Variants in WIPI2 observed in about 807,000 individuals in gnomAD.
WIPI2 encodes WD repeat domain, phosphoinositide interacting 2.
WIPI2 carries 28 observed loss-of-function variants against 52.3 expected under a neutral mutation model. That is an observed-to-expected ratio of 0.54 (90% CI 0.40 to 0.73). The LOEUF is 0.73. Ranked by LOEUF, WIPI2 falls within the 30% of genes least tolerant of loss-of-function variation. WIPI2 has a pLI of 0.00. For missense variants in WIPI2, 506 were observed against 602.9 expected (o/e 0.84, Z 1.68); for synonymous variants, 268 against 245.0 (o/e 1.09, Z -0.88).
At chr7:5,228,563 G>A (rs1040643408) in intron 11 of WIPI2, among the ~76,000 whole-genome samples, 12 of 152,220 alleles carry the variant, frequency 7.9e-5, no homozygotes, top group African/African-American at 2.2e-4. Flanking sequence ...AAGGAAGGGC[G>A]CAGCGTGGTG....
In WIPI2 at chr7:5,230,120, T is replaced by G. The variant is rs1327886018; in HGVS notation, c.1252+382T>G. ...AATGTCATCCTGGCTCAGGTGACTC[T>G]GGGGTCACGTGACTTGGGCCCAGAC... On this transcript the variant is annotated intron_variant, in intron 12 of 12. Transcript: ENST00000288828. The surrounding 1 kb of genome is among the most constrained non-coding windows in gnomAD (Gnocchi z 4.8). Among the ~76,000 whole-genome samples the G allele has an allele frequency of 2.6e-5, 4 of 152,084 alleles. No individual in the cohort carries two copies. Among genetic ancestry groups the G allele is most frequent in the South Asian group, 2.1e-4 (1 of 4,824 alleles).
chr7:5,227,120 GGGGTGGCCGTCCCCCCAGGGA>G lies in WIPI2; in HGVS notation c.849-54_849-34del, dbSNP rs907015820. Reference sequence around the variant, plus strand: ...CAGAGCTGTGCGTCTGTGTGAGTAGGGGGTGGCCGTCCCCCCAGGGAGGGTGCAGCTTCATGTGTCTGGTGG... The same window carrying G: ...CAGAGCTGTGCGTCTGTGTGAGTAGGGGGTGCAGCTTCATGTGTCTGGTGG... On this transcript the variant is annotated intron_variant, in intron 9 of 12. Coordinates refer to ENST00000288828, the MANE Select transcript of WIPI2 (RefSeq NM_015610.4). This position sits in a 1 kb window ranked among gnomAD's most constrained non-coding sequence, Gnocchi z 8.1. The G allele has an allele frequency of 4.4e-6, 7 of 1,600,982 alleles. No homozygotes were observed. The African/African-American group carries it at 9.4e-5, about 21-fold the overall frequency.
chr7:5,220,673 G>A (rs1783074886), intron 7 of WIPI2, among the ~76,000 whole-genome samples: 1 of 151,576 alleles, frequency 6.6e-6, no homozygotes, highest in Admixed American at 6.6e-5. Flanking sequence ...GTGGGGTCTT[G>A]TTATGTTGCC....
In WIPI2 at chr7:5,232,007, A is replaced by G. The variant is rs1783744159; in HGVS notation, c.*1060A>G. The G allele has an allele frequency of 2.7e-6, 1 of 372,704 alleles. No individual in the cohort carries two copies. The highest frequency in any genetic ancestry group is 4.6e-6 in the Non-Finnish European group (1 of 218,584). 23.1% of individuals were successfully genotyped at this position (372,704 alleles called of 1,614,324 possible). On this transcript the variant is annotated 3_prime_UTR_variant, in exon 13 of 13. Coordinates refer to ENST00000288828, the MANE Select transcript of WIPI2 (RefSeq NM_015610.4). ...AAACCGATGAGAGATTGTGGTTGCA[A>G]GCTTCAGTATTTGCCTCGCTTCCCT...
rs1191731454 is a variant in WIPI2 at position 5,190,260 on chromosome 7, A to T, written c.-160A>T. ...ACCGGGTGCCCCGGCTCTGGAGCAT[A>T]AACAAGAGCGGGGACGGGATGAGGC... is the stretch of plus-strand genomic sequence containing the variant. On this transcript the variant is annotated 5_prime_UTR_variant, in exon 1 of 13. Coordinates refer to ENST00000288828, the MANE Select transcript of WIPI2 (RefSeq NM_015610.4). 1 of 359,276 alleles carries T rather than the reference A, an allele frequency of 2.8e-6. No individual in the cohort carries two copies. 22.3% of individuals were successfully genotyped at this position (359,276 alleles called of 1,614,324 possible).
At chr7:5,214,156 G>A in intron 3 of WIPI2, 2 of 780,272 alleles carry the variant, frequency 2.6e-6, no homozygotes, top group South Asian at 3.9e-5. Context: ...GGAACCCAGG[G>A]GAAGCAATTG....
At position 5,223,816 on chromosome 7, in the gene WIPI2, C is replaced by T. The variant is rs1164565586; in HGVS notation, c.740+1144C>T. Reference sequence around the variant, plus strand: ...CGCCACTTGCCACCCCCGCCAGCACCCTGGCACCCAAGCCAGAGGGACTCG... The same window carrying T: ...CGCCACTTGCCACCCCCGCCAGCACTCTGGCACCCAAGCCAGAGGGACTCG... On this transcript the variant is annotated intron_variant, in intron 8 of 12. Transcript: ENST00000288828. 3.9e-5 allele frequency among the ~76,000 whole-genome samples: 6 copies of T among 152,336 alleles called. No individual in the cohort carries two copies. In the East Asian group the frequency reaches 7.8e-4, roughly 20 times the overall value.
chr7:5,229,773 G>GC, intron 12 of WIPI2, 35 bp downstream of exon 12: 1 of 1,611,244 alleles, frequency 6.2e-7, no homozygotes, highest in Non-Finnish European at 8.5e-7. Context: ...AAGGTAATTA[G>GC]CCCCACAGCC....
intron 2 of WIPI2, among the ~76,000 whole-genome samples, chr7:5,193,829 C>T (rs1183455445): frequency 1.3e-5 from 2 of 152,196 alleles, no homozygotes; most frequent in Admixed American, 1.3e-4. Context: ...CTTCCTGCCT[C>T]AGCCTCCAGA....
In WIPI2 at chr7:5,190,331, G is replaced by C. The variant is rs575918315; in HGVS notation, c.-89G>C. 165 of 909,310 alleles carry C rather than the reference G, an allele frequency of 1.8e-4. No homozygotes were observed. In the Admixed American group the frequency reaches 2.5e-3, roughly 14 times the overall value. 56.3% of individuals were successfully genotyped at this position (909,310 alleles called of 1,614,324 possible). On this transcript the variant is annotated 5_prime_UTR_variant, in exon 1 of 13. Transcript: ENST00000288828. The stretch of plus-strand genomic sequence containing the variant: ...CGAGTGGCGGCGACCGAGGCGGCGA[G>C]CGGGGCCCGGCGCCGACCCTGAGTG...
At chr7:5,209,536 T>C (rs965635858) in intron 3 of WIPI2, among the ~76,000 whole-genome samples, 4 of 152,180 alleles carry the variant, frequency 2.6e-5, no homozygotes, top group Non-Finnish European at 5.9e-5. Context: ...CTGCATCTGT[T>C]GGGTTGGCAC....
chr7:5,224,369 C>A (rs1783315366), intron 8 of WIPI2, among the ~76,000 whole-genome samples: 1 of 152,248 alleles, frequency 6.6e-6, no homozygotes, highest in Non-Finnish European at 1.5e-5. Context: ...ATTTTTCTCA[C>A]ATTCCTTTGC....
Position 5,231,077 on chromosome 7 carries a change from A to G in WIPI2, c.*130A>G, listed in dbSNP as rs77719560. The G allele has an allele frequency of 1.5e-5, 9 of 616,428 alleles. No individual in the cohort carries two copies. The highest frequency in any genetic ancestry group is 2.3e-5 in the Non-Finnish European group (9 of 384,634). 38.2% of individuals were successfully genotyped at this position (616,428 alleles called of 1,614,324 possible). ...CAGAGACTTTATTAAAAAAAAAAAA[A>G]GATTGTAGTGGTAGTCTAACTCCAT... is the stretch of plus-strand genomic sequence containing the variant. On this transcript the variant is annotated 3_prime_UTR_variant, in exon 13 of 13. Transcript: ENST00000288828.
At chr7:5,205,569 G>A (rs1405397077) in intron 3 of WIPI2, among the ~76,000 whole-genome samples, 1 of 151,888 alleles carries the variant, frequency 6.6e-6, no homozygotes, top group African/African-American at 2.4e-5. Context: ...CACAGGAGGA[G>A]GTGGCTCACT....
At position 5,230,515 on chromosome 7, in the gene WIPI2, A is replaced by G. The variant is rs1783681384; in HGVS notation, c.1253-320A>G. On this transcript the variant is annotated intron_variant, in intron 12 of 12. Coordinates refer to ENST00000288828, the MANE Select transcript of WIPI2 (RefSeq NM_015610.4). This position sits in a 1 kb window ranked among gnomAD's most constrained non-coding sequence, Gnocchi z 4.8. ...CATGAGCCCACCCTGAGAGTCTCCT[A>G]GTGTCATTTTTTTTCCTGGTGTTAT... 6.6e-6 allele frequency among the ~76,000 whole-genome samples: 1 copy of G among 152,080 alleles called. No homozygotes were observed. Among genetic ancestry groups the G allele is most frequent in the Admixed American group, 6.5e-5 (1 of 15,272 alleles).
chr7:5,217,012 A>G, intron 5 of WIPI2, 78 bp from the exon 6 acceptor site: 1 of 1,382,168 alleles, frequency 7.2e-7, no homozygotes, highest in South Asian at 1.3e-5. Context: ...TGTTAAATGA[A>G]TGCTGAATTA....
intron 6 of WIPI2, chr7:5,217,704 A>G (rs1470251498): frequency 1.8e-6 from 1 of 565,600 alleles, no homozygotes; most frequent in Non-Finnish European, 3.2e-6. Flanking sequence ...GTTTGAAGGA[A>G]CATAGAAAAC....
At position 5,232,527 on chromosome 7, in the gene WIPI2, C is replaced by A. The variant is rs1208096675; in HGVS notation, c.*1580C>A. 4 of 391,828 alleles carry A rather than the reference C, an allele frequency of 1.0e-5. No homozygotes were observed. In the East Asian group the frequency reaches 1.1e-4, roughly 11 times the overall value. 24.3% of individuals were successfully genotyped at this position (391,828 alleles called of 1,614,324 possible). On this transcript the variant is annotated 3_prime_UTR_variant, in exon 13 of 13. Transcript: ENST00000288828. ...CAAAACCTGCTTGTCTGTCCTGGAC[C>A]TTTGATGAAATGGGATCCCGGTCAC...
At position 5,217,131 on chromosome 7, in the gene WIPI2, G is replaced by T; in HGVS notation, c.520G>T (p.Ala174Ser). 1 of 1,614,038 alleles carries T rather than the reference G, an allele frequency of 6.2e-7. No individual in the cohort carries two copies. Among genetic ancestry groups the T allele is most frequent in the Non-Finnish European group, 8.5e-7 (1 of 1,179,948 alleles). The change falls in exon 6 of 13, where the codon GCG becomes TCG. Residue 174 changes from alanine to serine, a missense_variant. Ala to Ser is a moderately conservative substitution (Grantham distance 99). This residue lies in a region of WIPI2 where 237 missense variants were observed against 346.9 expected (regional missense o/e 0.68). Transcript: ENST00000288828. The stretch of plus-strand genomic sequence containing the variant: ...AATCAACAACGACAACTGCTACTTG[G>T]CGTACCCAGGGAGCGCGACCATCGG... ...LSINNDNCYL[A>S]YPGSATIGEV...
Sources: gnomAD v4.1 joint callset for allele counts (sites outside exome capture counted in the v4.1 genomes callset) on GRCh38, gnomAD v4.1.1 for gene constraint, gnomAD v4.1.1 regional missense constraint, Gnocchi (gnomAD v3.1) non-coding constraint, MANE v1.5 for transcripts, NCBI Gene and HGNC (gene_info 2026-07-23, HGNC 2026-07-21) for gene names.